Variants in EFCAB5 observed in about 807,000 individuals in gnomAD.
EFCAB5 encodes the protein EF-hand calcium-binding domain-containing protein 5.
A neutral mutation model predicts 167.9 loss-of-function variants in EFCAB5; 131 were observed. The ratio of observed to expected loss-of-function variants is 0.78; its 90% CI spans 0.68 to 0.90. The LOEUF (loss-of-function observed/expected upper bound fraction) is 0.90. Among genes scored for constraint, EFCAB5 ranks in the 40% least tolerant of loss-of-function variants. The pLI is 0.00. For missense variants in EFCAB5, 1,663 were observed against 1,745.2 expected, an observed-to-expected ratio of 0.95 and a Z score of 0.84; for synonymous variants, 574 against 602.8, an observed-to-expected ratio of 0.95 and a Z score of 0.70.
chr17:29,959,478 C>T (rs73265722), intron 3 of EFCAB5, among the ~76,000 whole-genome samples: 2,330 of 152,154 alleles, frequency 0.015, 62 homozygotes, highest in African/African-American at 0.052. Flanking sequence ...CACTGGGTCT[C>T]ACCCAAGGCA....
intron 7 of EFCAB5, among the ~76,000 whole-genome samples, chr17:30,019,183 T>C (rs1250434108): frequency 6.6e-6 from 1 of 152,212 alleles, no homozygotes. Flanking sequence ...TATTCTGTTT[T>C]ATTCCATCCA....
chr17:30,022,432 C>T (rs1232146853), intron 7 of EFCAB5, among the ~76,000 whole-genome samples: 1 of 152,052 alleles, frequency 6.6e-6, no homozygotes, highest in Non-Finnish European at 1.5e-5. Context: ...AGCACGTGCA[C>T]ACAAACACAC....
intron 4 of EFCAB5, among the ~76,000 whole-genome samples, chr17:29,980,266 C>G (rs897568503): frequency 2.0e-5 from 3 of 152,114 alleles, no homozygotes; most frequent in Non-Finnish European, 4.4e-5. Context: ...GTGAGCTATA[C>G]CTTATAGGGA....
At chr17:29,995,835 A>G (rs1302054493) in intron 5 of EFCAB5, among the ~76,000 whole-genome samples, 1 of 152,210 alleles carries the variant, frequency 6.6e-6, no homozygotes, top group African/African-American at 2.4e-5. Context: ...AAAATGAATT[A>G]TCCATTTGTA....
intron 4 of EFCAB5, among the ~76,000 whole-genome samples, chr17:29,991,242 T>A (rs1240230350): frequency 6.6e-6 from 1 of 152,106 alleles, no homozygotes; most frequent in African/African-American, 2.4e-5. Flanking sequence ...TCCAGCCCCA[T>A]GTATGGGCGC....
intron 8 of EFCAB5, among the ~76,000 whole-genome samples, chr17:30,050,640 A>C (rs2070065359): frequency 6.6e-6 from 1 of 152,158 alleles, no homozygotes; most frequent in African/African-American, 2.4e-5. Context: ...GTGTTGCTAT[A>C]TCAGGCTTTT....
chr17:29,940,163 C>T (rs989756852), upstream of EFCAB5, among the ~76,000 whole-genome samples: 2 of 152,010 alleles, frequency 1.3e-5, no homozygotes, highest in Non-Finnish European at 2.9e-5. Context: ...GCAACCTCCG[C>T]CTCCCGGGTT....
chr17:29,936,220 A>G (rs1211013761), intron 1 of EFCAB5, among the ~76,000 whole-genome samples: 2 of 150,822 alleles, frequency 1.3e-5, no homozygotes, highest in African/African-American at 4.9e-5. Context: ...AAAACCAAAC[A>G]CCTCATGTTC....
chr17:30,027,607 C>A (rs1247259521), intron 7 of EFCAB5, among the ~76,000 whole-genome samples: 1 of 152,072 alleles, frequency 6.6e-6, no homozygotes, highest in Non-Finnish European at 1.5e-5. Context: ...AGGGATTATA[C>A]CATCGGCATG....
At chr17:30,104,602 T>C (rs2071423187) in intron 22 of EFCAB5, among the ~76,000 whole-genome samples, 1 of 151,812 alleles carries the variant, frequency 6.6e-6, no homozygotes, top group African/African-American at 2.4e-5. Context: ...TTTATCTGCT[T>C]GAAAAAATTG....
rs1413467438 is a variant in EFCAB5 at position 29,969,046 on chromosome 17, A to T, written c.446A>T (p.Lys149Ile). The change falls in exon 4 of 23, where the codon AAA becomes ATA. Residue 149 changes from lysine to isoleucine, a missense_variant. By Grantham distance (102) the Lys-to-Ile change is moderately radical (BLOSUM62 -3). Transcript: ENST00000394835. Reference sequence around the variant, plus strand: ...AAGGAACTAGAAAAAAAGGCTGAAAAAAAACTCCCTAGGGATAATTTGGCC... The same window carrying T: ...AAGGAACTAGAAAAAAAGGCTGAAATAAAACTCCCTAGGGATAATTTGGCC... ...LKKELEKKAEKKLPRDNLAKE... is the reference protein window; with the variant it reads ...LKKELEKKAEIKLPRDNLAKE... 1 of 1,601,262 alleles carries T rather than the reference A, an allele frequency of 6.2e-7. No individual in the cohort carries two copies. Among genetic ancestry groups the T allele is most frequent in the South Asian group, 1.1e-5 (1 of 87,622 alleles).
intron 3 of EFCAB5, among the ~76,000 whole-genome samples, chr17:29,945,289 G>C (rs2067375832): frequency 6.7e-6 from 1 of 149,770 alleles, no homozygotes; most frequent in Non-Finnish European, 1.5e-5. Context: ...ATATATAGAT[G>C]TTAGTTGTAA....
At chr17:29,961,623 G>A (rs1417448442) in intron 3 of EFCAB5, among the ~76,000 whole-genome samples, 2 of 152,058 alleles carry the variant, frequency 1.3e-5, no homozygotes, top group African/African-American at 2.4e-5. Context: ...GTCTCACTCT[G>A]TTGCCCAGGG....
At position 30,057,780 on chromosome 17, in the gene EFCAB5, G is replaced by T; in HGVS notation, c.2470G>T (p.Glu824Ter). 1.9e-6 allele frequency: 3 copies of T among 1,613,838 alleles called. No homozygotes were observed. ...TCTGCTCCAGTTTGTGCAACTCCTG[G>T]AGACATTTGTTGGTGAAGACGCTCC... ...FNLLQFVQLL[E>*]TFVGEDAPLS... is the part of the protein sequence containing the mutation. Residue 824 changes from glutamate (E) to a stop codon, truncating the protein, a stop_gained, in exon 13 of 23, where the codon GAG becomes TAG. Transcript: ENST00000394835. LOFTEE classifies it high-confidence loss of function.
intron 4 of EFCAB5, among the ~76,000 whole-genome samples, 187 bp from the exon 5 acceptor site, chr17:29,992,978 C>T (rs1003826842): frequency 6.6e-6 from 1 of 152,162 alleles, no homozygotes; most frequent in African/African-American, 2.4e-5. Flanking sequence ...TAGTAGAAAG[C>T]ACTCTGTGAT....
chr17:30,045,328 C>G (rs972668980), intron 8 of EFCAB5, among the ~76,000 whole-genome samples: 1 of 151,646 alleles, frequency 6.6e-6, no homozygotes, highest in Non-Finnish European at 1.5e-5. Flanking sequence ...TATGGTGGCA[C>G]GTGCCTGTAG....
chr17:30,042,906 A>G (rs1464540356), intron 8 of EFCAB5, among the ~76,000 whole-genome samples: 1 of 152,194 alleles, frequency 6.6e-6, no homozygotes, highest in Non-Finnish European at 1.5e-5. Flanking sequence ...ATTTTAACAA[A>G]TTGGTTAAGC....
intron 4 of EFCAB5, among the ~76,000 whole-genome samples, chr17:29,989,505 G>T (rs2068365466): frequency 2.0e-5 from 3 of 152,188 alleles, no homozygotes; most frequent in Admixed American, 2.0e-4. Flanking sequence ...TCACAGTCTA[G>T]CTCAGCTAAG....
At chr17:30,008,931 T>G (rs7212497) in intron 7 of EFCAB5, among the ~76,000 whole-genome samples, 94,146 of 151,994 alleles carry the variant, frequency 0.62, 31,348 homozygotes, top group African/African-American at 0.87. Flanking sequence ...GGGCTGCACT[T>G]CTCTCAGGAG....
Sources: allele counts gnomAD v4.1 joint callset (sites outside exome capture counted in the v4.1 genomes callset), GRCh38; gene constraint gnomAD v4.1.1; transcripts MANE v1.5; gene names NCBI Gene and HGNC (gene_info 2026-07-23, HGNC 2026-07-21).